ROBO2: variants seen among roughly 807,000 people sequenced by gnomAD.
ROBO2 encodes the protein roundabout guidance receptor 2.
In ROBO2, 53 loss-of-function variants were observed where a neutral mutation model predicts 160.8. The ratio of observed to expected loss-of-function variants is 0.33; its 90% CI spans 0.26 to 0.41. ROBO2 has a LOEUF of 0.41. Ranked by LOEUF, ROBO2 falls within the 10% of genes least tolerant of loss-of-function variation. The pLI, the probability that ROBO2 is intolerant of heterozygous loss-of-function variation, is 1.00. For synonymous variants in ROBO2, 664 were observed against 611.7 expected, an observed-to-expected ratio of 1.09 and a Z score of -1.26; for missense variants, 1,577 against 1,722.4, an observed-to-expected ratio of 0.92 and a Z score of 1.49.
At chr3:76,327,736 A>C (rs1464256603) in intron 2 of ROBO2, among the ~76,000 whole-genome samples, 2 of 152,234 alleles carry the variant, frequency 1.3e-5, no homozygotes, top group Non-Finnish European at 2.9e-5. Flanking sequence ...AAAAGTAGGC[A>C]AATTCACATT....
At chr3:77,619,694 C>G (rs528257833) in intron 22 of ROBO2, among the ~76,000 whole-genome samples, 1 of 152,166 alleles carries the variant, frequency 6.6e-6, no homozygotes, top group Admixed American at 6.5e-5. Context: ...TGACACCATG[C>G]AACTCCAAGC....
chr3:77,536,823 T>A (rs2092137396), intron 6 of ROBO2, among the ~76,000 whole-genome samples: 1 of 152,188 alleles, frequency 6.6e-6, no homozygotes, highest in Non-Finnish European at 1.5e-5. Flanking sequence ...AACAAAAATA[T>A]AAGTGTGAAG....
intron 2 of ROBO2, among the ~76,000 whole-genome samples, chr3:76,301,580 C>A (rs548368932): frequency 6.6e-6 from 1 of 152,180 alleles, no homozygotes; most frequent in African/African-American, 2.4e-5. Context: ...ACACCTGACA[C>A]TTCAAGTCTC....
At chr3:75,954,167 C>CA (rs1310136991) in intron 2 of ROBO2, among the ~76,000 whole-genome samples, 1 of 151,852 alleles carries the variant, frequency 6.6e-6, no homozygotes, top group African/African-American at 2.4e-5. Context: ...AGGAAAGGTA[C>CA]AAAATTAATT....
intron 2 of ROBO2, among the ~76,000 whole-genome samples, chr3:76,691,977 G>T (rs573661679): frequency 3.3e-5 from 5 of 152,132 alleles, no homozygotes; most frequent in Admixed American, 1.3e-4. Context: ...ATAGGGAGAA[G>T]AACTTCAGAG....
chr3:76,662,543 A>G (rs912966899), intron 2 of ROBO2, among the ~76,000 whole-genome samples: 1 of 152,170 alleles, frequency 6.6e-6, no homozygotes, highest in Non-Finnish European at 1.5e-5. Context: ...GAGAATAAAA[A>G]TAAACATTAC....
chr3:76,615,258 T>A (rs994447829), intron 2 of ROBO2, among the ~76,000 whole-genome samples: 4 of 152,120 alleles, frequency 2.6e-5, no homozygotes, highest in African/African-American at 7.2e-5. Context: ...GAAAATCAGT[T>A]GTATTGTTTG....
intron 2 of ROBO2, among the ~76,000 whole-genome samples, chr3:76,113,399 A>T (rs896097777): frequency 3.3e-5 from 5 of 152,098 alleles, no homozygotes; most frequent in South Asian, 4.1e-4. Flanking sequence ...TTGAAGACAG[A>T]GGTCTTTATC....
At chr3:76,760,961 G>A (rs1309312139) in intron 2 of ROBO2, among the ~76,000 whole-genome samples, 1 of 151,220 alleles carries the variant, frequency 6.6e-6, no homozygotes, top group African/African-American at 2.4e-5. Context: ...TATTTGATTG[G>A]AAAATGAGGC....
intron 2 of ROBO2, among the ~76,000 whole-genome samples, chr3:77,217,401 C>G (rs565040397): frequency 6.6e-6 from 1 of 152,254 alleles, no homozygotes; most frequent in Admixed American, 6.5e-5. Context: ...CCTCGGCCTC[C>G]CAAAGTGCTG....
chr3:77,082,290 G>T (rs1294336522), intron 1 of ROBO2, among the ~76,000 whole-genome samples: 2 of 152,146 alleles, frequency 1.3e-5, no homozygotes, highest in African/African-American at 4.8e-5. Flanking sequence ...CCTTGTTCCT[G>T]TTTTGACACT....
At chr3:76,959,190 A>G (rs2079482577) in intron 2 of ROBO2, among the ~76,000 whole-genome samples, 1 of 152,220 alleles carries the variant, frequency 6.6e-6, no homozygotes, top group Non-Finnish European at 1.5e-5. Flanking sequence ...TTAACCAGCT[A>G]TGTAGCATAA....
At chr3:77,352,331 G>A (rs1405781299) in intron 2 of ROBO2, among the ~76,000 whole-genome samples, 1 of 152,086 alleles carries the variant, frequency 6.6e-6, no homozygotes, top group Non-Finnish European at 1.5e-5. Context: ...CAGGAGTAAT[G>A]ACAAGGGCTT....
At chr3:77,256,483 A>G (rs2058422889) in intron 2 of ROBO2, among the ~76,000 whole-genome samples, 1 of 152,148 alleles carries the variant, frequency 6.6e-6, no homozygotes, top group Admixed American at 6.5e-5. Context: ...AAATCATGGG[A>G]CATTCTCAAT....
At chr3:76,375,719 T>A (rs188737885) in intron 2 of ROBO2, among the ~76,000 whole-genome samples, 2 of 152,122 alleles carry the variant, frequency 1.3e-5, no homozygotes, top group East Asian at 3.9e-4. Flanking sequence ...ATTCAAGCAG[T>A]GTGAATGGCA....
chr3:77,396,938 G>A (rs926351962), intron 2 of ROBO2, among the ~76,000 whole-genome samples: 6 of 151,954 alleles, frequency 3.9e-5, no homozygotes, highest in Admixed American at 2.0e-4. Flanking sequence ...TAGTAAAAGC[G>A]AATGCATTCA....
intron 2 of ROBO2, among the ~76,000 whole-genome samples, chr3:76,598,040 T>A (rs1034700813): frequency 6.6e-6 from 1 of 151,948 alleles, no homozygotes; most frequent in Non-Finnish European, 1.5e-5. Context: ...AGTGGGTGAA[T>A]GATGGAACAA....
chr3:77,436,417 G>T (rs1446179357), intron 2 of ROBO2, among the ~76,000 whole-genome samples: 1 of 151,688 alleles, frequency 6.6e-6, no homozygotes, highest in Non-Finnish European at 1.5e-5. Flanking sequence ...TATAGCTATG[G>T]AAAAATAGCC....
intron 2 of ROBO2, among the ~76,000 whole-genome samples, chr3:76,827,352 A>G (rs1043819283): frequency 1.3e-5 from 2 of 152,266 alleles, no homozygotes; most frequent in Non-Finnish European, 2.9e-5. Context: ...AACACTTACT[A>G]TTTGAAAAGT....
Sources: allele counts gnomAD v4.1 joint callset (sites outside exome capture counted in the v4.1 genomes callset), GRCh38; gene constraint gnomAD v4.1.1; transcripts MANE v1.5; gene names NCBI Gene and HGNC (gene_info 2026-07-23, HGNC 2026-07-21).